TMEM266: variants seen among roughly 807,000 people sequenced by gnomAD.
TMEM266 encodes Hv1 related protein 1.
In TMEM266, 33 loss-of-function variants were observed where a neutral mutation model predicts 50.5. That is an observed-to-expected ratio of 0.65 (90% CI 0.50 to 0.87). The LOEUF is 0.87. TMEM266 is among the 40% of genes least tolerant of loss of function. The probability of loss-of-function intolerance (pLI) is 0.00; values close to 1 mark genes in which losing one functional copy is unlikely to be tolerated. For missense variants in TMEM266, 655 were observed against 695.1 expected, an observed-to-expected ratio of 0.94 and a Z score of 0.65; for synonymous variants, 310 against 292.3, an observed-to-expected ratio of 1.06 and a Z score of -0.62.
At chr15:76,178,889 G>C (rs1049541486) in intron 8 of TMEM266, 1 of 152,290 alleles carries the variant, frequency 6.6e-6, no homozygotes, top group Non-Finnish European at 1.5e-5. Flanking sequence ...TGGACTCCCA[G>C]TGGGGCCACC....
rs1470299763 is a variant in TMEM266 at position 76,145,739 on chromosome 15, ATTGT to A, written c.227+7848_227+7851del. Among the ~76,000 whole-genome samples the A allele has an allele frequency of 2.0e-5, 3 of 152,230 alleles. No homozygotes were observed. The East Asian group carries it at 5.8e-4, about 29-fold the overall frequency. On this transcript the variant is annotated intron_variant, in intron 3 of 10. Coordinates refer to ENST00000388942, the MANE Select transcript of TMEM266 (RefSeq NM_152335.3). ...TTAATTTCATCCAGCGTCTCTAGACATTGTTTGGTTTGGGAAAGCTCTGCCTTCT... is the reference window on the plus strand; with the variant it reads ...TTAATTTCATCCAGCGTCTCTAGACATTGGTTTGGGAAAGCTCTGCCTTCT...
At position 76,203,898 on chromosome 15, in the gene TMEM266, A is replaced by T; in HGVS notation, c.1179A>T (p.Ser393=). ...RSSVTRAQSD[S]SQTLGSSMDC... ...CCTCGGAGAGTGCCTCCCGCAGCTC[A>T]GTCACCCGGGCCCAGAGTGACAGCA... The change falls in exon 11 of 11, where the codon TCA becomes TCT. Residue 393 remains serine (S), a synonymous_variant. Transcript: ENST00000388942. 1 of 1,614,110 alleles carries T rather than the reference A, an allele frequency of 6.2e-7. No individual in the cohort carries two copies. The highest frequency in any genetic ancestry group is 1.6e-4 in the Middle Eastern group (1 of 6,062).
At chr15:76,165,903 C>A (rs758979488) in intron 5 of TMEM266, among the ~76,000 whole-genome samples, 10 of 152,108 alleles carry the variant, frequency 6.6e-5, no homozygotes, top group Non-Finnish European at 1.2e-4. Context: ...GGGGCAGGGT[C>A]GCCTCACACA....
chr15:76,129,164 A>G (rs999657769), intron 1 of TMEM266, among the ~76,000 whole-genome samples: 8 of 152,226 alleles, frequency 5.3e-5, no homozygotes, highest in African/African-American at 9.7e-5. Context: ...TAATTGATAT[A>G]GGAAGCAATT....
At position 76,160,633 on chromosome 15, in the gene TMEM266, G is replaced by T. The variant is rs944201946; in HGVS notation, c.456+465G>T. The stretch of plus-strand genomic sequence containing the variant: ...AAGCACGCAGTGGGTGGGGGAACGG[G>T]GTCACAGGGCCAGGCAGTGGACCTG... On this transcript the variant is annotated intron_variant, in intron 5 of 10. Transcript: ENST00000388942. This position sits in a 1 kb window ranked among gnomAD's most constrained non-coding sequence, Gnocchi z 5.7. Among the ~76,000 whole-genome samples, 1 of 152,178 alleles carries T rather than the reference G, an allele frequency of 6.6e-6. No individual in the cohort carries two copies. The highest frequency in any genetic ancestry group is 1.9e-4 in the East Asian group (1 of 5,190).
intron 9 of TMEM266, among the ~76,000 whole-genome samples, chr15:76,201,915 C>G (rs2038754425): frequency 6.6e-6 from 1 of 152,222 alleles, no homozygotes. Flanking sequence ...CACCCCTCAT[C>G]TCAGAGATGG....
intron 1 of TMEM266, among the ~76,000 whole-genome samples, chr15:76,103,780 T>G (rs1390212070): frequency 2.7e-5 from 4 of 150,130 alleles, no homozygotes; most frequent in Non-Finnish European, 5.9e-5. Context: ...GGCATGATGG[T>G]GCACACCTGT....
At chr15:76,099,207 G>C (rs35783418) in intron 1 of TMEM266, among the ~76,000 whole-genome samples, 2 of 152,146 alleles carry the variant, frequency 1.3e-5, no homozygotes, top group African/African-American at 2.4e-5. Flanking sequence ...CCAGGGCCCT[G>C]CTGGGGAAGG....
At chr15:76,137,102 A>G (rs913716041) in intron 2 of TMEM266, among the ~76,000 whole-genome samples, 1 of 152,116 alleles carries the variant, frequency 6.6e-6, no homozygotes, top group Non-Finnish European at 1.5e-5. Flanking sequence ...GAAGAGACAT[A>G]TGGTAGCACC....
chr15:76,138,042 T>TA, intron 3 of TMEM266, 147 bp downstream of exon 3: 2 of 694,446 alleles, frequency 2.9e-6, no homozygotes, highest in South Asian at 4.8e-5. Context: ...GCCAACATGG[T>TA]AAAACCCTGT....
chr15:76,078,613 C>T (rs937730024), intron 1 of TMEM266, among the ~76,000 whole-genome samples: 6 of 152,210 alleles, frequency 3.9e-5, no homozygotes, highest in Admixed American at 6.5e-5. Flanking sequence ...GGACATCACA[C>T]TTCTCCCTCA....
At chr15:76,113,760 T>C (rs2037208820) in intron 1 of TMEM266, 1 of 151,940 alleles carries the variant, frequency 6.6e-6, no homozygotes, top group Non-Finnish European at 1.5e-5. Flanking sequence ...ATACAAAAAA[T>C]GAGCCGGGCG....
chr15:76,149,340 C>A (rs1187198774), intron 3 of TMEM266, among the ~76,000 whole-genome samples: 3 of 152,122 alleles, frequency 2.0e-5, no homozygotes, highest in Non-Finnish European at 2.9e-5. Context: ...CATCAGAGTT[C>A]ATGGATAAGG....
chr15:76,173,078 A>G (rs1285219108), intron 7 of TMEM266, among the ~76,000 whole-genome samples: 2 of 152,086 alleles, frequency 1.3e-5, no homozygotes, highest in Admixed American at 1.3e-4. Flanking sequence ...TACTCTTGCA[A>G]ATTAACCCTG....
At chr15:76,121,773 G>A (rs1417198717) in intron 1 of TMEM266, among the ~76,000 whole-genome samples, 1 of 152,184 alleles carries the variant, frequency 6.6e-6, no homozygotes, top group Non-Finnish European at 1.5e-5. Context: ...CTGCCAGCGT[G>A]AGGAATCATT....
At chr15:76,150,100 A>G (rs528720601) in intron 3 of TMEM266, among the ~76,000 whole-genome samples, 10 of 152,276 alleles carry the variant, frequency 6.6e-5, no homozygotes, top group Admixed American at 1.3e-4. Flanking sequence ...GAGCCTGGGT[A>G]TCCTTAGATT....
At chr15:76,068,108 C>T (rs2036467607) in intron 1 of TMEM266, among the ~76,000 whole-genome samples, 1 of 152,184 alleles carries the variant, frequency 6.6e-6, no homozygotes, top group African/African-American at 2.4e-5. Context: ...CTCCAATTGA[C>T]AGTCATCATT....
chr15:76,180,526 A>C (rs188176951), intron 8 of TMEM266, among the ~76,000 whole-genome samples: 107 of 144,612 alleles, frequency 7.4e-4, no homozygotes, highest in Admixed American at 3.3e-3. Flanking sequence ...TCTCACTGTG[A>C]TGCGGCCTGG....
In TMEM266 at chr15:76,204,645, T is replaced by G; in HGVS notation, c.*330T>G. 4.9e-6 allele frequency: 1 copy of G among 204,282 alleles called. No individual in the cohort carries two copies. The highest frequency in any genetic ancestry group is 9.9e-6 in the Non-Finnish European group (1 of 100,510). The allele number at this position is 204,282 out of a possible 1,614,324, so 12.7% of individuals were successfully genotyped here. A position where few individuals can be genotyped will look rare whatever the true frequency, so the allele number is the denominator to read the frequency against. On this transcript the variant is annotated 3_prime_UTR_variant, in exon 11 of 11. Coordinates refer to ENST00000388942, the MANE Select transcript of TMEM266 (RefSeq NM_152335.3). ...GCCAGCTCAGCCTCTTGCGTTGCCT[T>G]CGTTCCTGACGCCCACCCTGGACTC...
Sources: allele counts gnomAD v4.1 joint callset (sites outside exome capture counted in the v4.1 genomes callset), GRCh38; gene constraint gnomAD v4.1.1; non-coding constraint Gnocchi (gnomAD v3.1); transcripts MANE v1.5; gene names NCBI Gene and HGNC (gene_info 2026-07-23, HGNC 2026-07-21).